DPPA4: variants seen among roughly 807,000 people sequenced by gnomAD.
DPPA4 encodes the protein developmental pluripotency-associated protein 4.
In DPPA4, 22 loss-of-function variants were observed where a neutral mutation model predicts 33.7. That is an observed-to-expected ratio of 0.65 (90% confidence interval 0.47 to 0.93). The LOEUF is 0.93. DPPA4 is among the 40% of genes least tolerant of loss of function. The pLI, the probability that DPPA4 is intolerant of heterozygous loss-of-function variation, is 0.00. For missense variants in DPPA4, 340 were observed against 358.6 expected, an observed-to-expected ratio of 0.95 and a Z score of 0.42; for synonymous variants, 156 against 132.3, an observed-to-expected ratio of 1.18 and a Z score of -1.23.
Position 109,327,913 on chromosome 3 carries a change from C to G in DPPA4, c.*75G>C. 1.8e-6 allele frequency: 2 copies of G among 1,086,894 alleles called. No homozygotes were observed. The highest frequency in any genetic ancestry group is 2.8e-6 in the Non-Finnish European group (2 of 706,928). 67.3% of individuals were successfully genotyped at this position (1,086,894 alleles called of 1,614,324 possible). A position where few individuals can be genotyped will look rare whatever the true frequency, so the allele number is the denominator to read the frequency against. On this transcript the variant is annotated 3_prime_UTR_variant, in exon 7 of 7. Transcript: ENST00000335658. ...GTGCAGAGGACCAGAGTTCACCTGTCAGCAGCACCGCAGAATCCAACTCTC... is the reference window on the plus strand; with the variant it reads ...GTGCAGAGGACCAGAGTTCACCTGTGAGCAGCACCGCAGAATCCAACTCTC...
rs1193363537 is a variant in DPPA4, at chr3:109,330,654, A to T, written c.549T>A (p.Thr183=). 6.2e-7 allele frequency: 1 copy of T among 1,614,064 alleles called. No homozygotes were observed. Among genetic ancestry groups the T allele is most frequent in the African/African-American group, 1.3e-5 (1 of 74,938 alleles). Residue 183 remains threonine (T), a synonymous_variant, in exon 5 of 7, where the codon ACT becomes ACA. Transcript: ENST00000335658. ...VGEPPALENS[T]ALLEGVNTVV... ...CTGTATTAACTCCCTCAAGGAGAGC[A>T]GTGGAATTTTCCAGGGCAGGCGGCT...
rs1332510148 is a variant in DPPA4, at chr3:109,330,623, C to T, written c.580G>A (p.Val194Met). Reference protein sequence around the residue: ...ALLEGVNTVVVTTSAPEALLA... With the variant: ...ALLEGVNTVVMTTSAPEALLA... The stretch of plus-strand genomic sequence containing the variant: ...AAAGCCTCTGGGGCAGAAGTTGTCA[C>T]CACAACTGTATTAACTCCCTCAAGG... The change falls in exon 5 of 7, where the codon GTG (valine) becomes ATG (methionine). Residue 194 changes from valine (V) to methionine (M), a missense_variant. By Grantham distance (21) the Val-to-Met change is conservative. Coordinates refer to ENST00000335658, the MANE Select transcript of DPPA4 (RefSeq NM_018189.4). 1.7e-5 allele frequency: 27 copies of T among 1,614,148 alleles called. No homozygotes were observed. The highest frequency in any genetic ancestry group is 2.2e-5 in the Non-Finnish European group (26 of 1,180,024).
intron 2 of DPPA4, among the ~76,000 whole-genome samples, chr3:109,332,483 C>T (rs1420382014): frequency 6.6e-6 from 1 of 152,126 alleles, no homozygotes; most frequent in Non-Finnish European, 1.5e-5. Context: ...TCCTAAATTG[C>T]CCCACTACTG....
upstream of DPPA4, chr3:109,337,658 C>G (rs575285647): frequency 1.7e-4 from 118 of 710,056 alleles, no homozygotes; most frequent in African/African-American, 1.8e-3. Flanking sequence ...TTTGTAAATG[C>G]TAAAATTGCA....
In DPPA4 at chr3:109,326,214, G is replaced by T. The variant is rs376586729; in HGVS notation, c.*1774C>A. 1 of 151,630 alleles carries T rather than the reference G, an allele frequency of 6.6e-6. No homozygotes were observed. Among genetic ancestry groups the T allele is most frequent in the Non-Finnish European group, 1.5e-5 (1 of 68,016 alleles). 9.4% of individuals were successfully genotyped at this position (151,630 alleles called of 1,614,324 possible). On this transcript the variant is annotated 3_prime_UTR_variant, in exon 7 of 7. Coordinates refer to ENST00000335658, the MANE Select transcript of DPPA4 (RefSeq NM_018189.4). ...TTATTGAAATGTGTTAGAAGCAGGG[G>T]AAGTATCTACAAGCAGAATCGTAAA...
rs773873734 is a variant in DPPA4 at position 109,328,890 on chromosome 3, C to G, written c.878G>C (p.Arg293Thr). Reference sequence around the variant, plus strand: ...TTGTAGAAAAGCATCAGGTAATTACCTGTGAACACATTTGGGGCACAACAT... The same window carrying G: ...TTGTAGAAAAGCATCAGGTAATTACGTGTGAACACATTTGGGGCACAACAT... ...DNMLCPKCVH[R>T]NKVLIKSLQW... is the part of the protein sequence containing the mutation. Residue 293 changes from arginine to threonine, a missense_variant and splice_region_variant, in exon 6 of 7, where the codon AGG (arginine) becomes ACG (threonine). Physicochemically the swap from Arg to Thr is moderately conservative, Grantham distance 71 (BLOSUM62 -1). Transcript: ENST00000335658. The G allele has an allele frequency of 6.2e-7, 1 of 1,613,120 alleles. No individual in the cohort carries two copies. The highest frequency in any genetic ancestry group is 1.7e-5 in the Admixed American group (1 of 59,916).
Position 109,328,356 on chromosome 3 carries a change from ACACT to A in DPPA4, c.879-336_879-333del, listed in dbSNP as rs550519643. Among the ~76,000 whole-genome samples, 111 of 152,280 alleles carry A rather than the reference ACACT, an allele frequency of 7.3e-4. 4 individuals carry two copies. The South Asian group carries it at 0.023, about 31-fold the overall frequency. On this transcript the variant is annotated intron_variant, in intron 6 of 6. Transcript: ENST00000335658. The stretch of plus-strand genomic sequence containing the variant: ...TGCTTGGCATAGAGAGATTATCAAA[ACACT>A]CACAGCAAAAAGTAGGATATCCCAA...
chr3:109,328,469 A>C (rs1474493538), intron 6 of DPPA4, among the ~76,000 whole-genome samples: 1 of 152,124 alleles, frequency 6.6e-6, no homozygotes, highest in African/African-American at 2.4e-5. Context: ...GAAATTACCG[A>C]TCTCTCCTTT....
At chr3:109,337,592 T>G, upstream of DPPA4, 1 of 1,321,820 alleles carries the variant, frequency 7.6e-7, no homozygotes, top group Non-Finnish European at 1.1e-6. Flanking sequence ...CGAAGACCCT[T>G]TTTCTCTCCA....
chr3:109,335,144 A>AT (rs1005973230), intron 1 of DPPA4, among the ~76,000 whole-genome samples: 2 of 152,134 alleles, frequency 1.3e-5, no homozygotes, highest in Admixed American at 1.3e-4. Flanking sequence ...CCTCACTTTC[A>AT]TTTTTTTAAA....
upstream of DPPA4, among the ~76,000 whole-genome samples, chr3:109,339,267 G>A (rs1708268172): frequency 6.6e-6 from 1 of 152,086 alleles, no homozygotes; most frequent in Non-Finnish European, 1.5e-5. Context: ...ATTTTTAAAT[G>A]TAAGGCTTTA....
Position 109,333,934 on chromosome 3 carries a change from T to G in DPPA4, c.114A>C (p.Ser38=). The G allele has an allele frequency of 1.2e-5, 19 of 1,614,170 alleles. No homozygotes were observed. Among genetic ancestry groups the G allele is most frequent in the Non-Finnish European group, 1.6e-5 (19 of 1,180,004 alleles). Residue 38 remains serine, a synonymous_variant, in exon 2 of 7, where the codon TCA becomes TCC. Coordinates refer to ENST00000335658, the MANE Select transcript of DPPA4 (RefSeq NM_018189.4). The part of the protein sequence containing the change: ...EDQQASNQPN[S]IALPGTSAKR... ...TTGCTGATGTTCCTGGCAAAGCAATTGAATTTGGTTGATTAGAAGCCTGCT... is the reference window on the plus strand; with the variant it reads ...TTGCTGATGTTCCTGGCAAAGCAATGGAATTTGGTTGATTAGAAGCCTGCT...
upstream of DPPA4, among the ~76,000 whole-genome samples, chr3:109,338,339 G>T (rs1203876087): frequency 6.6e-6 from 1 of 152,106 alleles, no homozygotes; most frequent in Non-Finnish European, 1.5e-5. Context: ...TTTTTCAATA[G>T]CACAGTAAGT....
In DPPA4 at chr3:109,327,901, G is replaced by T; in HGVS notation, c.*87C>A. 1.0e-6 allele frequency: 1 copy of T among 976,084 alleles called. No homozygotes were observed. Among genetic ancestry groups the T allele is most frequent in the Non-Finnish European group, 1.6e-6 (1 of 608,330 alleles). The allele number at this position is 976,084 out of a possible 1,614,324, so 60.5% of individuals were successfully genotyped here. The stretch of plus-strand genomic sequence containing the variant: ...GCCCATAAACAGGTGCAGAGGACCA[G>T]AGTTCACCTGTCAGCAGCACCGCAG... On this transcript the variant is annotated 3_prime_UTR_variant, in exon 7 of 7. Transcript: ENST00000335658.
chr3:109,328,136 T>C (rs985968191), intron 6 of DPPA4, 112 bp from the exon 7 acceptor site: 27 of 706,418 alleles, frequency 3.8e-5, no homozygotes, highest in South Asian at 8.1e-5. Context: ...TTTAGGATCA[T>C]AGGTAGCAAG....
At chr3:109,332,059 G>GT in intron 2 of DPPA4, 28 bp from the exon 3 acceptor site, 1 of 1,528,734 alleles carries the variant, frequency 6.5e-7, no homozygotes, top group Non-Finnish European at 8.8e-7. Flanking sequence ...CAAATGAGTA[G>GT]TAATTATCTT....
In DPPA4 at chr3:109,331,939, C is replaced by G; in HGVS notation, c.271G>C (p.Val91Leu). 6.2e-7 allele frequency: 1 copy of G among 1,614,112 alleles called. No individual in the cohort carries two copies. Among genetic ancestry groups the G allele is most frequent in the South Asian group, 1.1e-5 (1 of 91,076 alleles). ...AGAATGTCCCGGTGAATCAGATTAA[C>G]AGGTGGCAGTTTAGAAGGTAATGGA... ...IPPLPSKLPP[V>L]NLIHRDILRA... Residue 91 changes from valine to leucine, a missense_variant, in exon 3 of 7, where the codon GTT (valine) becomes CTT (leucine). Transcript: ENST00000335658.
chr3:109,338,899 C>T (rs1329528477), upstream of DPPA4, among the ~76,000 whole-genome samples: 5 of 151,178 alleles, frequency 3.3e-5, no homozygotes, highest in Non-Finnish European at 5.9e-5. Flanking sequence ...TTCAGAATAA[C>T]TGGAGTTCTG....
chr3:109,330,325 AAAAAAAG>A (rs1708037857), intron 5 of DPPA4, 192 bp downstream of exon 5: 2 of 353,410 alleles, frequency 5.7e-6, no homozygotes, highest in Non-Finnish European at 9.8e-6. Flanking sequence ...AAAAAAAAAA[AAAAAAAG>A]GAAAAAAAAA....
Sources: allele counts gnomAD v4.1 joint callset (sites outside exome capture counted in the v4.1 genomes callset), GRCh38; gene constraint gnomAD v4.1.1; transcripts MANE v1.5; gene names NCBI Gene and HGNC (gene_info 2026-07-23, HGNC 2026-07-21).